CACUL1: variants seen among roughly 807,000 people sequenced by gnomAD.
CACUL1 encodes the protein CDK2-associated and cullin domain-containing protein 1.
In CACUL1, 13 loss-of-function variants were observed where a neutral mutation model predicts 45.2. That is an observed-to-expected ratio of 0.29 (90% CI 0.19 to 0.46). The LOEUF (loss-of-function observed/expected upper bound fraction) is 0.46. Among genes scored for constraint, CACUL1 ranks in the 20% least tolerant of loss-of-function variants. CACUL1 has a pLI of 1.00. For missense variants in CACUL1, 421 were observed against 471.4 expected (o/e 0.89, Z 0.99); for synonymous variants, 197 against 174.2 (o/e 1.13, Z -1.03).
intron 7 of CACUL1, among the ~76,000 whole-genome samples, chr10:118,690,746 C>A (rs1417031159): frequency 6.6e-6 from 1 of 152,132 alleles, no homozygotes; most frequent in Non-Finnish European, 1.5e-5. Context: ...GTGGGAAATC[C>A]CTTCTTCAAA....
intron 7 of CACUL1, among the ~76,000 whole-genome samples, chr10:118,688,649 T>C (rs373918390): frequency 1.9e-4 from 29 of 152,154 alleles, no homozygotes; most frequent in African/African-American, 2.4e-4. Flanking sequence ...AAAAGACCTA[T>C]GTTCTTACCT....
intron 1 of CACUL1, among the ~76,000 whole-genome samples, chr10:118,748,830 C>T (rs901375361): frequency 2.6e-5 from 4 of 152,146 alleles, no homozygotes; most frequent in East Asian, 1.9e-4. Context: ...CCACACCAGA[C>T]GGCGACATGG....
chr10:118,694,449 T>C (rs541399638), intron 6 of CACUL1, among the ~76,000 whole-genome samples: 3 of 152,218 alleles, frequency 2.0e-5, no homozygotes, highest in Admixed American at 6.5e-5. Flanking sequence ...AAGCATTCCT[T>C]GTATTTATAG....
chr10:118,754,345 G>A (rs1271582116), intron 1 of CACUL1, 51 bp downstream of exon 1: 3 of 1,443,426 alleles, frequency 2.1e-6, no homozygotes, highest in Non-Finnish European at 2.7e-6. Context: ...TGGATTCGGC[G>A]TCCGAGTGAG....
intron 1 of CACUL1, among the ~76,000 whole-genome samples, chr10:118,749,056 CCCA>C: frequency 6.6e-6 from 1 of 152,174 alleles, no homozygotes; most frequent in Non-Finnish European, 1.5e-5. Flanking sequence ...CATGTTCTAA[CCCA>C]CTCTTACTCC....
chr10:118,749,946 T>C lies in CACUL1; in HGVS notation c.367+4450A>G, dbSNP rs186491170. On this transcript the variant is annotated intron_variant, in intron 1 of 8. Transcript: ENST00000369151. The stretch of plus-strand genomic sequence containing the variant: ...CATAGGAAGGGCTAGATGTACCCTT[T>C]CCTACCAAAGTAATAAACTCGAAGC... Among the ~76,000 whole-genome samples, 469 of 152,338 alleles carry C rather than the reference T, an allele frequency of 3.1e-3. 2 individuals are homozygous for C. The highest frequency in any genetic ancestry group is 0.011 in the African/African-American group (448 of 41,580).
chr10:118,717,643 C>A (rs1200085517), intron 3 of CACUL1, among the ~76,000 whole-genome samples: 4 of 150,978 alleles, frequency 2.6e-5, no homozygotes, highest in African/African-American at 7.5e-5. Flanking sequence ...TGGACTATTT[C>A]TCTGTTGGTG....
At chr10:118,742,772 C>T (rs1201535528) in intron 1 of CACUL1, among the ~76,000 whole-genome samples, 1 of 152,132 alleles carries the variant, frequency 6.6e-6, no homozygotes, top group African/African-American at 2.4e-5. Flanking sequence ...AGATCTCTAA[C>T]TAGAATCAGA....
At position 118,685,384 on chromosome 10, in the gene CACUL1, C is replaced by T. The variant is rs1845194300; in HGVS notation, c.*744G>A. The stretch of plus-strand genomic sequence containing the variant: ...ACCAGGGGAAAATCCGACCCATGTG[C>T]AAAAGGTTTCTATTTTCCCACTTAA... On this transcript the variant is annotated 3_prime_UTR_variant, in exon 9 of 9. Coordinates refer to ENST00000369151, the MANE Select transcript of CACUL1 (RefSeq NM_153810.5). The T allele has an allele frequency of 2.4e-5, 3 of 125,844 alleles. No individual in the cohort carries two copies. The highest frequency in any genetic ancestry group is 8.6e-5 in the African/African-American group (3 of 34,964). 7.8% of individuals were successfully genotyped at this position (125,844 alleles called of 1,614,324 possible). A position where few individuals can be genotyped will look rare whatever the true frequency, so the allele number is the denominator to read the frequency against.
intron 3 of CACUL1, among the ~76,000 whole-genome samples, chr10:118,712,177 C>T (rs1388865348): frequency 2.0e-5 from 3 of 152,192 alleles, no homozygotes; most frequent in South Asian, 2.1e-4. Flanking sequence ...TGGCAGGTGG[C>T]GCCTTTACCT....
intron 3 of CACUL1, among the ~76,000 whole-genome samples, chr10:118,721,001 T>C (rs543225028): frequency 6.6e-6 from 1 of 152,364 alleles, no homozygotes; most frequent in East Asian, 1.9e-4. Flanking sequence ...ATATTTATTT[T>C]ATTTGAAACC....
At chr10:118,707,433 A>G in intron 4 of CACUL1, 59 bp downstream of exon 4, 1 of 788,224 alleles carries the variant, frequency 1.3e-6, no homozygotes, top group South Asian at 1.5e-5. Context: ...CTCTGCATCT[A>G]TTTGTGCTCT....
chr10:118,686,036 G>C lies in CACUL1; in HGVS notation c.*92C>G. ...TGAACAGCTTTGTGACAGAGCTCCT[G>C]AGTGTGTGCAGCCCCCACTGTGCTC... On this transcript the variant is annotated 3_prime_UTR_variant, in exon 9 of 9. Coordinates refer to ENST00000369151, the MANE Select transcript of CACUL1 (RefSeq NM_153810.5). The C allele has an allele frequency of 1.2e-6, 1 of 821,742 alleles. No homozygotes were observed. The highest frequency in any genetic ancestry group is 2.0e-6 in the Non-Finnish European group (1 of 493,108). The allele number at this position is 821,742 out of a possible 1,614,324, so 50.9% of individuals were successfully genotyped here. A position where few individuals can be genotyped will look rare whatever the true frequency, so the allele number is the denominator to read the frequency against.
rs201860733 is a variant in CACUL1 at position 118,754,657 on chromosome 10, G to C, written c.106C>G (p.Leu36Val). The change falls in exon 1 of 9, where the codon CTG becomes GTG. Residue 36 changes from leucine (L) to valine (V), a missense_variant. Physicochemically the swap from Leu to Val is conservative, Grantham distance 32. This residue lies in a region of CACUL1 where 213 missense variants were observed against 173.1 expected (regional missense o/e 1.23). Transcript: ENST00000369151. ...GACGAGGGGGGCGGCGGAGGTGGCA[G>C]GGGCTGCCGGAAGCCGTCCACCGCA... ...EAAVDGFRQP[L>V]PPPPPPSSIP... is the part of the protein sequence containing the mutation. The C allele has an allele frequency of 5.6e-6, 9 of 1,606,654 alleles. No homozygotes were observed. In the Admixed American group the frequency reaches 1.2e-4, roughly 21 times the overall value.
chr10:118,714,590 T>C (rs1471659566), intron 3 of CACUL1, among the ~76,000 whole-genome samples: 2 of 152,234 alleles, frequency 1.3e-5, no homozygotes, highest in Non-Finnish European at 2.9e-5. Flanking sequence ...AATACCAAAG[T>C]CTAACCGTAG....
Position 118,677,337 on chromosome 10 carries a change from G to A in CACUL1, c.*8791C>T, listed in dbSNP as rs181233217. 1.3e-5 allele frequency: 2 copies of A among 152,076 alleles called. No individual in the cohort carries two copies. The highest frequency in any genetic ancestry group is 4.8e-5 in the African/African-American group (2 of 41,506). 9.4% of individuals were successfully genotyped at this position (152,076 alleles called of 1,614,324 possible). A position where few individuals can be genotyped will look rare whatever the true frequency, so the allele number is the denominator to read the frequency against. On this transcript the variant is annotated 3_prime_UTR_variant, in exon 9 of 9. Transcript: ENST00000369151. The stretch of plus-strand genomic sequence containing the variant: ...TTTTCATCTGTTTATACTTCCATGA[G>A]TTTTTTAGATTATATAAATACTGTT...
intron 1 of CACUL1, among the ~76,000 whole-genome samples, chr10:118,754,000 G>C (rs575734778): frequency 2.0e-5 from 3 of 152,306 alleles, no homozygotes; most frequent in East Asian, 1.9e-4. Context: ...AAGACTGAAG[G>C]CCTTTCCCTA....
chr10:118,701,360 G>C lies in CACUL1; in HGVS notation c.742C>G (p.Leu248Val), dbSNP rs1437117388. 1 of 1,579,576 alleles carries C rather than the reference G, an allele frequency of 6.3e-7. No homozygotes were observed. Among genetic ancestry groups the C allele is most frequent in the East Asian group, 2.3e-5 (1 of 44,306 alleles). Residue 248 changes from leucine to valine, a missense_variant, in exon 5 of 9, where the codon CTT (leucine) becomes GTT (valine). Physicochemically the swap from Leu to Val is conservative, Grantham distance 32 (BLOSUM62 1). Transcript: ENST00000369151. ...ACATGTTCCGTAAACAGCTTTATAA[G>C]GTCATCTTTTAAGTCTCTGTTAAGC... Reference protein sequence around the residue: ...TKLNRDLKDDLIKLFTEHVAE... With the variant: ...TKLNRDLKDDVIKLFTEHVAE...
Position 118,754,529 on chromosome 10 carries a change from CG to C in CACUL1, c.233del (p.Pro78ArgfsTer10). The C allele has an allele frequency of 1.2e-6, 2 of 1,612,736 alleles. No homozygotes were observed. The highest frequency in any genetic ancestry group is 1.7e-6 in the Non-Finnish European group (2 of 1,179,504). On this transcript the variant is annotated frameshift_variant, in exon 1 of 9. Coordinates refer to ENST00000369151, the MANE Select transcript of CACUL1 (RefSeq NM_153810.5). LOFTEE classifies it high-confidence loss of function. Reference sequence around the variant, plus strand: ...CCCCATTAGCCTCCGGCGGTGGCTGCGGCCCCATCGGGAGCCCCTCCTTGGG... The same window carrying C: ...CCCCATTAGCCTCCGGCGGTGGCTGCGCCCCATCGGGAGCCCCTCCTTGGG... ...KGPKEGLPMGPQPPPEANGVI... is the reference protein window; with the variant it reads ...KGPKEGLPMGXQPPPEANGVI...
Sources: allele counts gnomAD v4.1 joint callset (sites outside exome capture counted in the v4.1 genomes callset), GRCh38; gene constraint gnomAD v4.1.1; regional missense constraint gnomAD v4.1.1; transcripts MANE v1.5; gene names NCBI Gene and HGNC (gene_info 2026-07-23, HGNC 2026-07-21).